The following CTNND2 variants were observed in gnomAD, a reference collection of about 807,000 sequenced individuals.
CTNND2 encodes the protein catenin delta-2.
CTNND2 carries 22 observed loss-of-function variants against 144.4 expected under a neutral mutation model. The ratio of observed to expected loss-of-function variants is 0.15; its 90% CI spans 0.11 to 0.22. CTNND2 has a LOEUF of 0.22. Among genes scored for constraint, CTNND2 ranks in the 10% least tolerant of loss-of-function variants. The probability of loss-of-function intolerance (pLI) is 1.00; values close to 1 mark genes in which losing one functional copy is unlikely to be tolerated. For missense variants in CTNND2, 1,353 were observed against 1,618.8 expected (o/e 0.84, Z 2.82); for synonymous variants, 751 against 695.6 (o/e 1.08, Z -1.25).
rs544693471 is a variant in CTNND2, at chr5:11,679,141, T to C, written c.174+52995A>G. The stretch of plus-strand genomic sequence containing the variant: ...GAACCAATCAGTGTGATCAGGGAGA[T>C]AAGATCCTAGATGGGCCAGTCATGA... On this transcript the variant is annotated intron_variant, in intron 2 of 21. Transcript: ENST00000304623. Among the ~76,000 whole-genome samples, 96 of 151,902 alleles carry C rather than the reference T, an allele frequency of 6.3e-4. 1 individual carries two copies. Among genetic ancestry groups the C allele is most frequent in the Non-Finnish European group, 1.0e-3 (70 of 67,960 alleles).
chr5:11,661,355 G>T (rs1208098371), intron 2 of CTNND2, among the ~76,000 whole-genome samples: 2 of 152,046 alleles, frequency 1.3e-5, no homozygotes, highest in African/African-American at 4.8e-5. Context: ...TAACAAATCA[G>T]GAAACTAAGT....
chr5:11,738,620 T>C (rs1263807516), intron 1 of CTNND2, among the ~76,000 whole-genome samples: 1 of 152,220 alleles, frequency 6.6e-6, no homozygotes, highest in Admixed American at 6.5e-5. Flanking sequence ...TATTTGAACT[T>C]GTTCTTTCTT....
At chr5:11,801,265 A>G (rs1314656362) in intron 1 of CTNND2, among the ~76,000 whole-genome samples, 2 of 152,226 alleles carry the variant, frequency 1.3e-5, no homozygotes, top group African/African-American at 4.8e-5. Context: ...AACACAGAAC[A>G]AATGTAATAA....
intron 1 of CTNND2, among the ~76,000 whole-genome samples, chr5:11,862,415 C>A (rs1168801342): frequency 6.6e-6 from 1 of 152,126 alleles, no homozygotes; most frequent in Non-Finnish European, 1.5e-5. Context: ...TATGCACTAA[C>A]AACATGACAT....
chr5:11,257,985 A>C (rs1436388325), intron 9 of CTNND2, among the ~76,000 whole-genome samples: 1 of 152,184 alleles, frequency 6.6e-6, no homozygotes, highest in East Asian at 1.9e-4. Flanking sequence ...GAGCTGGTGC[A>C]GCGCTTTCAG....
chr5:11,334,103 C>T (rs1036799029), intron 9 of CTNND2, among the ~76,000 whole-genome samples: 1 of 152,154 alleles, frequency 6.6e-6, no homozygotes, highest in African/African-American at 2.4e-5. Context: ...TCTAGTCACT[C>T]ATTCATTTAG....
chr5:11,374,297 A>C (rs941392126), intron 7 of CTNND2, among the ~76,000 whole-genome samples: 8 of 152,248 alleles, frequency 5.3e-5, no homozygotes, highest in African/African-American at 1.9e-4. Context: ...AGAACAACAT[A>C]ACTTGACATC....
At chr5:11,300,465 C>T (rs779269413) in intron 9 of CTNND2, among the ~76,000 whole-genome samples, 1 of 152,116 alleles carries the variant, frequency 6.6e-6, no homozygotes, top group African/African-American at 2.4e-5. Context: ...GGCTCCTTGT[C>T]CCCCAGATGT....
intron 15 of CTNND2, among the ~76,000 whole-genome samples, chr5:11,090,808 T>G (rs2149652360): frequency 6.6e-6 from 1 of 150,818 alleles, no homozygotes; most frequent in Non-Finnish European, 1.5e-5. Context: ...TTTTTTTTCT[T>G]TTTTTTTTAG....
chr5:11,011,383 AT>A (rs1190821978), intron 18 of CTNND2, among the ~76,000 whole-genome samples: 1 of 151,648 alleles, frequency 6.6e-6, no homozygotes, highest in Non-Finnish European at 1.5e-5. Context: ...CACCCGGCTA[AT>A]TTTTGTATTT....
At chr5:11,030,120 C>T (rs1182988568) in intron 16 of CTNND2, among the ~76,000 whole-genome samples, 1 of 152,016 alleles carries the variant, frequency 6.6e-6, no homozygotes, top group Non-Finnish European at 1.5e-5. Context: ...AGCTGATAAC[C>T]TTATTTTGGA....
intron 12 of CTNND2, among the ~76,000 whole-genome samples, chr5:11,131,788 CA>C (rs1051482508): frequency 3.5e-4 from 49 of 138,956 alleles, no homozygotes; most frequent in African/African-American, 6.6e-4. Context: ...GACTGCGTCT[CA>C]AAAAAAAAAA....
intron 3 of CTNND2, among the ~76,000 whole-genome samples, chr5:11,471,505 C>T (rs959223583): frequency 1.3e-5 from 2 of 152,096 alleles, no homozygotes; most frequent in African/African-American, 4.8e-5. Flanking sequence ...ATGTTATCAA[C>T]GTTTCTAAAT....
At chr5:11,832,061 A>G (rs1038463757) in intron 1 of CTNND2, among the ~76,000 whole-genome samples, 2 of 152,154 alleles carry the variant, frequency 1.3e-5, no homozygotes, top group Admixed American at 1.3e-4. Flanking sequence ...AGACAGGTGG[A>G]TCATGAGGTC....
chr5:11,492,867 G>A (rs911882626), intron 3 of CTNND2, among the ~76,000 whole-genome samples: 1 of 151,920 alleles, frequency 6.6e-6, no homozygotes, highest in Non-Finnish European at 1.5e-5. Context: ...GGCTAGGAGA[G>A]TAAGACCAGT....
chr5:11,662,151 ATATATGTGTATATATG>A (rs1783260287), intron 2 of CTNND2, among the ~76,000 whole-genome samples: 5 of 119,000 alleles, frequency 4.2e-5, no homozygotes, highest in African/African-American at 2.1e-4. Context: ...ATATACACAT[ATATATGTGTATATATG>A]TGTATATATA....
At chr5:11,373,290 T>C (rs527833540) in intron 7 of CTNND2, among the ~76,000 whole-genome samples, 13 of 152,334 alleles carry the variant, frequency 8.5e-5, no homozygotes, top group Admixed American at 3.9e-4. Context: ...TTGCTCAAGC[T>C]GGTCTCAAAC....
intron 8 of CTNND2, among the ~76,000 whole-genome samples, chr5:11,358,740 T>C (rs1388587521): frequency 3.3e-5 from 5 of 151,418 alleles, no homozygotes; most frequent in Admixed American, 1.3e-4. Context: ...GAGGATTACG[T>C]TTTTTTTAGA....
chr5:11,214,346 G>T (rs945904388), intron 10 of CTNND2, among the ~76,000 whole-genome samples: 2 of 152,030 alleles, frequency 1.3e-5, no homozygotes, highest in Non-Finnish European at 2.9e-5. Flanking sequence ...AAGAATACAG[G>T]CTATATAAAT....
Sources: allele counts gnomAD v4.1 joint callset (sites outside exome capture counted in the v4.1 genomes callset), GRCh38; gene constraint gnomAD v4.1.1; transcripts MANE v1.5; gene names NCBI Gene and HGNC (gene_info 2026-07-23, HGNC 2026-07-21).